WFS1: variants seen among roughly 807,000 people sequenced by gnomAD.
WFS1 encodes wolframin ER transmembrane glycoprotein, also known as wolframin.
WFS1 carries 90 observed loss-of-function variants against 68.5 expected under a neutral mutation model. The observed-to-expected ratio is 1.31, with a 90% confidence interval of 1.11 to 1.56. The LOEUF (loss-of-function observed/expected upper bound fraction) is 1.56. WFS1 is among the 40% of genes most tolerant of loss of function. The probability of loss-of-function intolerance (pLI) is 0.00; values close to 1 mark genes in which losing one functional copy is unlikely to be tolerated. For synonymous variants in WFS1, 860 were observed against 540.7 expected (o/e 1.59, Z -8.19); for missense variants, 1,767 against 1,232.6 (o/e 1.43, Z -6.49).
chr4:6,299,901 TTG>T (rs113629797), intron 7 of WFS1, among the ~76,000 whole-genome samples: 94,421 of 121,408 alleles, frequency 0.78, 36,956 homozygotes, highest in East Asian at 0.98. Context: ...TAGGGGTGGG[TTG>T]TGTGTGTGTG....
At chr4:6,272,363 G>A (rs1359046405) in intron 1 of WFS1, among the ~76,000 whole-genome samples, 2 of 152,214 alleles carry the variant, frequency 1.3e-5, no homozygotes, top group African/African-American at 2.4e-5. Flanking sequence ...ATGCTGCTTG[G>A]GGCAGTCCCA....
chr4:6,288,014 C>T (rs925230501), intron 3 of WFS1, among the ~76,000 whole-genome samples: 4 of 152,072 alleles, frequency 2.6e-5, no homozygotes, highest in East Asian at 1.9e-4. Context: ...GTCAGGAGTT[C>T]GTGACCAGCC....
rs201692206 is a variant in WFS1, at chr4:6,301,202, G to A, written c.1407G>A (p.Ser469=). 1.9e-5 allele frequency: 30 copies of A among 1,612,078 alleles called. No individual in the cohort carries two copies. The highest frequency in any genetic ancestry group is 2.2e-5 in the East Asian group (1 of 44,876). The change falls in exon 8 of 8, where the codon TCG becomes TCA. Residue 469 remains serine, a synonymous_variant. Coordinates refer to ENST00000226760, the MANE Select transcript of WFS1 (RefSeq NM_006005.3). ...LATEVTAGLL[S]LLPSMPLNWP... ...CCGAGGTCACCGCCGGCCTGCTATC[G>A]CTGCTGCCCTCCATGCCCTTGAATT...
chr4:6,288,786 C>A, intron 3 of WFS1: 1 of 737,188 alleles, frequency 1.4e-6, no homozygotes, highest in Non-Finnish European at 2.3e-6. Flanking sequence ...GCCACACCTT[C>A]CTCACCGTGT....
rs1046317 is a variant in WFS1, at chr4:6,302,515, T to C, written c.*47T>C. 0.7 allele frequency: 1,124,262 copies of C among 1,607,056 alleles called. 396,569 individuals are homozygous for C. Among genetic ancestry groups the C allele is most frequent in the East Asian group, 0.96 (43,013 of 44,810 alleles). ...TTCCAGTGCATGTTGCCATGAGGCC[T>C]TTCCCCAGTGTGGCCCCAGCCCGAC... On this transcript the variant is annotated 3_prime_UTR_variant, in exon 8 of 8. Transcript: ENST00000226760.
intron 1 of WFS1, among the ~76,000 whole-genome samples, chr4:6,273,066 ACAT>A (rs759150182): frequency 2.0e-5 from 3 of 152,224 alleles, no homozygotes; most frequent in Non-Finnish European, 2.9e-5. Flanking sequence ...GAGAGAGTGA[ACAT>A]CATCTTGGCT....
Position 6,287,133 on chromosome 4 carries a change from C to A in WFS1, c.273C>A (p.Val91=). The change falls in exon 3 of 8, where the codon GTC becomes GTA. Residue 91 remains valine, a synonymous_variant. Transcript: ENST00000226760. The surrounding 1 kb of genome is among the most constrained non-coding windows in gnomAD (Gnocchi z 6.4). ...KGDMEIPFEE[V]LERAKAGDPK... is the part of the protein sequence containing the mutation. ...ACATGGAAATCCCCTTTGAAGAAGT[C>A]CTGGAGAGGGCCAAGGCCGGGGACC... 6.4e-7 allele frequency: 1 copy of A among 1,561,106 alleles called. No individual in the cohort carries two copies. The highest frequency in any genetic ancestry group is 1.2e-5 in the South Asian group (1 of 84,812).
In WFS1 at chr4:6,301,491, T is replaced by A; in HGVS notation, c.1696T>A (p.Phe566Ile). 6.2e-7 allele frequency: 1 copy of A among 1,613,280 alleles called. No individual in the cohort carries two copies. The highest frequency in any genetic ancestry group is 8.5e-7 in the Non-Finnish European group (1 of 1,179,918). Residue 566 changes from phenylalanine to isoleucine, a missense_variant, in exon 8 of 8, where the codon TTC (phenylalanine) becomes ATC (isoleucine). Physicochemically the swap from Phe to Ile is conservative, Grantham distance 21. Coordinates refer to ENST00000226760, the MANE Select transcript of WFS1 (RefSeq NM_006005.3). Reference sequence around the variant, plus strand: ...CCGCGCCTCCATCGGCTACTTCCTCTTCCTCTTTGCCCTCCCCATCCTGGT... The same window carrying A: ...CCGCGCCTCCATCGGCTACTTCCTCATCCTCTTTGCCCTCCCCATCCTGGT... ...LLRASIGYFL[F>I]LFALPILVAG...
chr4:6,279,516 G>A lies in WFS1; in HGVS notation c.232+1829G>A, dbSNP rs549030875. ...TCACTATGGGCCTCAGGTCATCTGC[G>A]CCCAGGGATCCCCATGTCCCAGGCT... On this transcript the variant is annotated intron_variant, in intron 2 of 7. Coordinates refer to ENST00000226760, the MANE Select transcript of WFS1 (RefSeq NM_006005.3). Among the ~76,000 whole-genome samples the A allele has an allele frequency of 9.9e-5, 15 of 152,260 alleles. 1 individual carries two copies. Among genetic ancestry groups the A allele is most frequent in the South Asian group, 8.3e-4 (4 of 4,826 alleles).
intron 3 of WFS1, 152 bp from the exon 4 acceptor site, chr4:6,288,835 C>A: frequency 1.7e-6 from 2 of 1,172,650 alleles, no homozygotes; most frequent in South Asian, 1.3e-5. Flanking sequence ...TAGGGCCTAG[C>A]CTAGTGGACA....
At position 6,300,835 on chromosome 4, in the gene WFS1, T is replaced by C. The variant is rs1456701567; in HGVS notation, c.1040T>C (p.Leu347Pro). 2 of 1,614,114 alleles carry C rather than the reference T, an allele frequency of 1.2e-6. No homozygotes were observed. Among genetic ancestry groups the C allele is most frequent in the South Asian group, 2.2e-5 (2 of 91,064 alleles). Residue 347 changes from leucine to proline, a missense_variant, in exon 8 of 8, where the codon CTG becomes CCG. Physicochemically the swap from Leu to Pro is moderately conservative, Grantham distance 98. Transcript: ENST00000226760. ...GACTTCTTCGCCTTCTTCATCCCGC[T>C]GGTCATCTTCTACCTGTCCTTCATC... ...TIDFFAFFIP[L>P]VIFYLSFISM...
At chr4:6,298,552 C>T (rs919308574) in intron 7 of WFS1, among the ~76,000 whole-genome samples, 1 of 151,746 alleles carries the variant, frequency 6.6e-6, no homozygotes, top group African/African-American at 2.4e-5. Flanking sequence ...AGCTGTTCCC[C>T]CACGTGTAGA....
chr4:6,286,993 C>A, intron 2 of WFS1, 100 bp from the exon 3 acceptor site: 1 of 1,044,986 alleles, frequency 9.6e-7, no homozygotes, highest in Non-Finnish European at 1.5e-6. Flanking sequence ...AAGTGACAAG[C>A]AGCAGCAGAT....
intron 1 of WFS1, among the ~76,000 whole-genome samples, chr4:6,275,569 T>A (rs1303107216): frequency 9.2e-6 from 1 of 108,846 alleles, no homozygotes; most frequent in Non-Finnish European, 1.7e-5. Context: ...CCATGCATGG[T>A]TTGCACCTGG....
At chr4:6,280,051 CAG>C (rs34302154) in intron 2 of WFS1, among the ~76,000 whole-genome samples, 11,101 of 152,284 alleles carry the variant, frequency 0.073, 475 homozygotes, top group African/African-American at 0.1. Flanking sequence ...CTTGGAAGCT[CAG>C]GGGCTCCTGG....
rs141052196 is a variant in WFS1, at chr4:6,302,417, C to T, written c.2622C>T (p.Ala874=). 1.4e-4 allele frequency: 229 copies of T among 1,613,184 alleles called. 1 individual carries two copies. In the African/African-American group the frequency reaches 2.2e-3, roughly 15 times the overall value. Residue 874 remains alanine, a synonymous_variant, in exon 8 of 8, where the codon GCC becomes GCT. Coordinates refer to ENST00000226760, the MANE Select transcript of WFS1 (RefSeq NM_006005.3). ...ACTGGCGCAGCACCGTGCATGGCGC[C>T]GTGAAGTTCGCCTTCGACTTCTTTT... ...EHDWRSTVHG[A]VKFAFDFFFF...
intron 2 of WFS1, among the ~76,000 whole-genome samples, chr4:6,281,968 C>T (rs1444571336): frequency 2.6e-5 from 4 of 152,240 alleles, no homozygotes; most frequent in African/African-American, 9.6e-5. Flanking sequence ...AACCCTCCCA[C>T]TGTGGGTGAT....
At chr4:6,272,605 G>C (rs1729871841) in intron 1 of WFS1, among the ~76,000 whole-genome samples, 1 of 152,078 alleles carries the variant, frequency 6.6e-6, no homozygotes, top group African/African-American at 2.4e-5. Context: ...CTCACAGATG[G>C]GTTTTAAAAT....
chr4:6,275,212 C>A (rs1290271220), intron 1 of WFS1, among the ~76,000 whole-genome samples: 1 of 152,196 alleles, frequency 6.6e-6, no homozygotes, highest in Non-Finnish European at 1.5e-5. Context: ...CCCTCTCTCT[C>A]TGTCTGAGAA....
Sources: gnomAD v4.1 joint callset for allele counts (sites outside exome capture counted in the v4.1 genomes callset) on GRCh38, gnomAD v4.1.1 for gene constraint, Gnocchi (gnomAD v3.1) non-coding constraint, MANE v1.5 for transcripts, NCBI Gene and HGNC (gene_info 2026-07-23, HGNC 2026-07-21) for gene names.